The following EXOC4 variants were observed in gnomAD, a reference collection of about 807,000 sequenced individuals.
EXOC4 encodes SEC8-like 1.
Under a neutral mutation model 107.2 loss-of-function variants are expected in EXOC4, and 71 were observed. The ratio of observed to expected loss-of-function variants is 0.66; its 90% CI spans 0.55 to 0.81. The LOEUF is 0.81. EXOC4 is among the 30% of genes least tolerant of loss of function. The pLI, the probability that EXOC4 is intolerant of heterozygous loss-of-function variation, is 0.00. For missense variants in EXOC4, 1,108 were observed against 1,189.6 expected, an observed-to-expected ratio of 0.93 and a Z score of 1.01; for synonymous variants, 456 against 441.2, an observed-to-expected ratio of 1.03 and a Z score of -0.42.
At chr7:133,992,507 G>A (rs1256363473) in intron 14 of EXOC4, among the ~76,000 whole-genome samples, 1 of 151,642 alleles carries the variant, frequency 6.6e-6, no homozygotes, top group Non-Finnish European at 1.5e-5. Context: ...GGTCTCTAAC[G>A]CCTGGTCTCA....
intron 7 of EXOC4, among the ~76,000 whole-genome samples, chr7:133,416,106 T>G (rs1041585507): frequency 1.3e-5 from 2 of 152,150 alleles, no homozygotes; most frequent in African/African-American, 4.8e-5. Context: ...CAGTTTTCAT[T>G]TTAGGAGCAA....
At chr7:133,556,643 G>C (rs1290494052) in intron 9 of EXOC4, among the ~76,000 whole-genome samples, 2 of 152,200 alleles carry the variant, frequency 1.3e-5, no homozygotes, top group African/African-American at 2.4e-5. Context: ...AGTTGCTAGA[G>C]ACCTACACAG....
the EXOC4 span, among the ~76,000 whole-genome samples, chr7:134,080,574 G>GAGAATGAC: frequency 6.6e-6 from 1 of 152,028 alleles, no homozygotes; most frequent in African/African-American, 2.4e-5. Context: ...AGTGATCAAG[G>GAGAATGAC]AGAATGACGG....
chr7:133,662,476 G>C (rs982687236), intron 10 of EXOC4, among the ~76,000 whole-genome samples: 2 of 152,094 alleles, frequency 1.3e-5, no homozygotes, highest in Admixed American at 1.3e-4. Flanking sequence ...GAACAGTTTT[G>C]AGTAGAGCAT....
At chr7:133,711,928 TA>T (rs1317944009) in intron 10 of EXOC4, among the ~76,000 whole-genome samples, 1 of 152,180 alleles carries the variant, frequency 6.6e-6, no homozygotes, top group Non-Finnish European at 1.5e-5. Context: ...CAAGATGCTC[TA>T]AAAGTTTCCC....
intron 10 of EXOC4, among the ~76,000 whole-genome samples, chr7:133,649,354 A>G (rs1272981296): frequency 6.6e-6 from 1 of 151,874 alleles, no homozygotes; most frequent in Non-Finnish European, 1.5e-5. Flanking sequence ...AATACACATG[A>G]TAGGGTTCAT....
At chr7:133,531,241 A>G (rs1800176447) in intron 9 of EXOC4, among the ~76,000 whole-genome samples, 1 of 152,118 alleles carries the variant, frequency 6.6e-6, no homozygotes, top group Non-Finnish European at 1.5e-5. Flanking sequence ...TCTTTATTTT[A>G]TTGACTATAA....
At chr7:133,915,622 A>C (rs1330434214) in intron 12 of EXOC4, among the ~76,000 whole-genome samples, 1 of 152,208 alleles carries the variant, frequency 6.6e-6, no homozygotes, top group Admixed American at 6.5e-5. Context: ...TGAGGGGTAC[A>C]CCTGCAACAG....
intron 7 of EXOC4, among the ~76,000 whole-genome samples, chr7:133,390,676 C>G (rs1796832283): frequency 1.3e-5 from 2 of 152,174 alleles, no homozygotes; most frequent in South Asian, 4.1e-4. Context: ...TGTGTCCTCT[C>G]CTGCTGTTTC....
intron 9 of EXOC4, among the ~76,000 whole-genome samples, chr7:133,578,611 AT>A (rs1801184827): frequency 6.6e-6 from 1 of 152,166 alleles, no homozygotes; most frequent in South Asian, 2.1e-4. Context: ...ACTTCAGAGG[AT>A]TATCGATTAA....
At chr7:133,383,881 T>C (rs1449227850) in intron 7 of EXOC4, among the ~76,000 whole-genome samples, 3 of 152,208 alleles carry the variant, frequency 2.0e-5, no homozygotes, top group Non-Finnish European at 2.9e-5. Context: ...GGCCAGGCCA[T>C]TGAATCTCCA....
At chr7:134,030,490 A>G (rs922151640) in intron 17 of EXOC4, among the ~76,000 whole-genome samples, 3 of 152,220 alleles carry the variant, frequency 2.0e-5, no homozygotes, top group Admixed American at 6.5e-5. Flanking sequence ...TCACTGGCAC[A>G]GGTATTTTGC....
intron 5 of EXOC4, among the ~76,000 whole-genome samples, chr7:133,317,886 TGGCCA>T (rs1346574443): frequency 6.6e-6 from 1 of 152,078 alleles, no homozygotes; most frequent in Non-Finnish European, 1.5e-5. Flanking sequence ...TTCACCATGT[TGGCCA>T]GGCTGGTCTC....
At position 133,490,901 on chromosome 7, in the gene EXOC4, G is replaced by A. The variant is rs74887788; in HGVS notation, c.1417+10763G>A. On this transcript the variant is annotated intron_variant, in intron 9 of 17. Transcript: ENST00000253861. The stretch of plus-strand genomic sequence containing the variant: ...AGGAAAAAATAACTTTGTTTTAAAT[G>A]CACTTATTATAGCATATTATATTAG... Among the ~76,000 whole-genome samples the A allele has an allele frequency of 6.0e-3, 921 of 152,234 alleles. 26 individuals carry two copies. In the East Asian group the frequency reaches 0.084, roughly 14 times the overall value.
At chr7:134,094,715 C>G in the EXOC4 span, among the ~76,000 whole-genome samples, 1 of 151,960 alleles carries the variant, frequency 6.6e-6, no homozygotes, top group East Asian at 1.9e-4. Context: ...ACCACATAAG[C>G]AGAATTGAAA....
chr7:133,716,739 G>A (rs1439408463), intron 10 of EXOC4, among the ~76,000 whole-genome samples: 1 of 152,124 alleles, frequency 6.6e-6, no homozygotes, highest in African/African-American at 2.4e-5. Flanking sequence ...TCAGGAGATT[G>A]AGACCATCCT....
intron 17 of EXOC4, among the ~76,000 whole-genome samples, chr7:134,033,785 G>A (rs1486226376): frequency 6.6e-6 from 1 of 152,118 alleles, no homozygotes; most frequent in Non-Finnish European, 1.5e-5. Context: ...AAAAGCTCCA[G>A]AGAGAGGGGC....
At chr7:133,298,394 G>A (rs577947713) in intron 3 of EXOC4, among the ~76,000 whole-genome samples, 11 of 152,240 alleles carry the variant, frequency 7.2e-5, no homozygotes, top group African/African-American at 2.6e-4. Flanking sequence ...GAGTTGTTCT[G>A]TAACTTTTTC....
chr7:134,022,745 A>G (rs939686373), intron 17 of EXOC4, among the ~76,000 whole-genome samples: 4 of 152,214 alleles, frequency 2.6e-5, no homozygotes. Context: ...CAGACAGAAT[A>G]GTGAGGCCTG....
Sources: allele counts gnomAD v4.1 joint callset (sites outside exome capture counted in the v4.1 genomes callset), GRCh38; gene constraint gnomAD v4.1.1; transcripts MANE v1.5; gene names NCBI Gene and HGNC (gene_info 2026-07-23, HGNC 2026-07-21).